CHN2: variants seen among roughly 807,000 people sequenced by gnomAD.
CHN2 encodes chimerin 2, also known as beta-chimaerin.
CHN2 carries 35 observed loss-of-function variants against 56.3 expected under a neutral mutation model. The ratio of observed to expected loss-of-function variants is 0.62; its 90% CI spans 0.47 to 0.82. The LOEUF is 0.82. CHN2 is among the 40% of genes least tolerant of loss of function. The pLI, the probability that CHN2 is intolerant of heterozygous loss-of-function variation, is 0.00. For missense variants in CHN2, 491 were observed against 580.5 expected (o/e 0.85, Z 1.58); for synonymous variants, 210 against 212.8 (o/e 0.99, Z 0.12).
intron 1 of CHN2, among the ~76,000 whole-genome samples, chr7:29,345,093 C>T (rs1022721377): frequency 6.6e-6 from 1 of 152,192 alleles, no homozygotes. Context: ...GCTCCCCTCT[C>T]CAGGCCACAT....
intron 2 of CHN2, among the ~76,000 whole-genome samples, chr7:29,367,397 G>A (rs982834866): frequency 1.3e-5 from 2 of 152,074 alleles, no homozygotes; most frequent in Admixed American, 1.3e-4. Flanking sequence ...GATAGACAGG[G>A]GGAAAATGGA....
At chr7:29,298,844 T>C (rs1238159707) in intron 1 of CHN2, among the ~76,000 whole-genome samples, 2 of 150,338 alleles carry the variant, frequency 1.3e-5, no homozygotes, top group Non-Finnish European at 2.9e-5. Context: ...TGAAACATAA[T>C]TTCTCTCTTT....
chr7:29,423,845 G>T (rs371889906), intron 6 of CHN2, among the ~76,000 whole-genome samples: 1 of 152,076 alleles, frequency 6.6e-6, no homozygotes, highest in Non-Finnish European at 1.5e-5. Context: ...TATCCTGGTC[G>T]CAGGCTGGTT....
intron 6 of CHN2, among the ~76,000 whole-genome samples, chr7:29,415,022 T>C (rs17157924): frequency 0.017 from 2,634 of 152,320 alleles, 69 homozygotes; most frequent in African/African-American, 0.059. Context: ...CCCACCGGCG[T>C]GTTCTTTCAT....
At chr7:29,384,790 T>A (rs1298128804) in intron 3 of CHN2, among the ~76,000 whole-genome samples, 1 of 152,160 alleles carries the variant, frequency 6.6e-6, no homozygotes, top group African/African-American at 2.4e-5. Context: ...TGGACAGCCA[T>A]TAGACAGTGC....
chr7:29,201,841 G>T (rs1784189552), intron 1 of CHN2, among the ~76,000 whole-genome samples: 1 of 152,200 alleles, frequency 6.6e-6, no homozygotes, highest in African/African-American at 2.4e-5. Flanking sequence ...TCCCATTGCT[G>T]TGTGTGCTGC....
At chr7:29,437,881 C>A in intron 6 of CHN2, among the ~76,000 whole-genome samples, 1 of 152,108 alleles carries the variant, frequency 6.6e-6, no homozygotes, top group Non-Finnish European at 1.5e-5. Flanking sequence ...GAGCAAGAGG[C>A]TAGAGCTTCA....
At chr7:29,233,034 GC>G (rs1246763712) in intron 1 of CHN2, among the ~76,000 whole-genome samples, 3 of 152,024 alleles carry the variant, frequency 2.0e-5, no homozygotes, top group Non-Finnish European at 4.4e-5. Context: ...CTTAATTAAA[GC>G]CCCCTCTTGC....
At chr7:29,276,670 C>T (rs562666548) in intron 1 of CHN2, among the ~76,000 whole-genome samples, 2 of 152,146 alleles carry the variant, frequency 1.3e-5, no homozygotes, top group Non-Finnish European at 2.9e-5. Flanking sequence ...AGTAAATAGC[C>T]GTCATCATTA....
chr7:29,494,057 C>T (rs1788957684), intron 7 of CHN2, among the ~76,000 whole-genome samples: 1 of 152,180 alleles, frequency 6.6e-6, no homozygotes, highest in Non-Finnish European at 1.5e-5. Flanking sequence ...AGTTCCTTCA[C>T]CACACCAAGT....
chr7:29,222,058 A>G (rs1412090635), intron 1 of CHN2, among the ~76,000 whole-genome samples: 3 of 152,212 alleles, frequency 2.0e-5, no homozygotes, highest in African/African-American at 4.8e-5. Flanking sequence ...GCATTTCTAT[A>G]CACAAATAAC....
chr7:29,410,141 G>C (rs1334690442), intron 6 of CHN2, among the ~76,000 whole-genome samples: 10 of 152,132 alleles, frequency 6.6e-5, no homozygotes, highest in African/African-American at 2.2e-4. Context: ...ATTTCATCGA[G>C]GCTTTTTAAT....
chr7:29,260,648 G>A (rs1789463651), intron 1 of CHN2, among the ~76,000 whole-genome samples: 1 of 152,136 alleles, frequency 6.6e-6, no homozygotes, highest in South Asian at 2.1e-4. Context: ...TTATGGGTCA[G>A]CTATTTTCTG....
chr7:29,397,124 C>A (rs1801821398), intron 4 of CHN2: 1 of 152,226 alleles, frequency 6.6e-6, no homozygotes, highest in South Asian at 2.1e-4. Context: ...GCCATCACTG[C>A]CGTACACCTT....
At chr7:29,167,553 A>G (rs1485416170) in intron 2 of CHN2, among the ~76,000 whole-genome samples, 1 of 152,188 alleles carries the variant, frequency 6.6e-6, no homozygotes, top group African/African-American at 2.4e-5. Context: ...TGAGTCGAAG[A>G]CTATATGAAT....
intron 2 of CHN2, among the ~76,000 whole-genome samples, chr7:29,187,461 C>T (rs1349717690): frequency 5.9e-5 from 9 of 152,074 alleles, no homozygotes; most frequent in Admixed American, 4.6e-4. Context: ...CGGTGGCTCA[C>T]GCCTGTAATC....
chr7:29,455,306 A>T (rs1291608223), intron 6 of CHN2, among the ~76,000 whole-genome samples: 1 of 152,208 alleles, frequency 6.6e-6, no homozygotes, highest in African/African-American at 2.4e-5. Flanking sequence ...ATTAGTAATC[A>T]TAATAAGAGT....
Position 29,197,319 on chromosome 7 carries a change from C to T in CHN2, c.49+2329C>T, listed in dbSNP as rs189633479. On this transcript the variant is annotated intron_variant, in intron 1 of 12. Coordinates refer to ENST00000222792, the MANE Select transcript of CHN2 (RefSeq NM_004067.4). ...TAGGATTCCCTCTAGCTCTGAAGTTCTGGGAGTATTGTCTTTTAATTCTGG... is the reference window on the plus strand; with the variant it reads ...TAGGATTCCCTCTAGCTCTGAAGTTTTGGGAGTATTGTCTTTTAATTCTGG... 2.2e-4 allele frequency among the ~76,000 whole-genome samples: 33 copies of T among 152,294 alleles called. No individual in the cohort carries two copies. In the Middle Eastern group the frequency reaches 0.01, roughly 47 times the overall value.
chr7:29,337,758 T>C (rs1585096059), intron 1 of CHN2, among the ~76,000 whole-genome samples: 1 of 152,222 alleles, frequency 6.6e-6, no homozygotes, highest in South Asian at 2.1e-4. Flanking sequence ...GTTTCGGCTG[T>C]TGGGTCCTTA....
Sources: allele counts gnomAD v4.1 joint callset (sites outside exome capture counted in the v4.1 genomes callset), GRCh38; gene constraint gnomAD v4.1.1; transcripts MANE v1.5; gene names NCBI Gene and HGNC (gene_info 2026-07-23, HGNC 2026-07-21).